EPG5: variants seen among roughly 807,000 people sequenced by gnomAD.
EPG5 encodes ectopic P granules protein 5 homolog.
Under a neutral mutation model 302.7 loss-of-function variants are expected in EPG5, and 159 were observed. The ratio of observed to expected loss-of-function variants is 0.53; its 90% CI spans 0.46 to 0.60. EPG5 has a LOEUF of 0.60. Among genes scored for constraint, EPG5 ranks in the 20% least tolerant of loss-of-function variants. The pLI is 0.00. For missense variants in EPG5, 2,896 were observed against 3,092.4 expected (o/e 0.94, Z 1.51); for synonymous variants, 1,158 against 1,136.8 (o/e 1.02, Z -0.37).
chr18:45,840,111 T>G, the EPG5 span: 1 of 1,372,000 alleles, frequency 7.3e-7, no homozygotes, highest in Non-Finnish European at 1.0e-6. Context: ...AAACAGTGGT[T>G]TCCTCGAGAC....
In EPG5 at chr18:45,920,981, C is replaced by T. The variant is rs542538025; in HGVS notation, c.3098+1360G>A. On this transcript the variant is annotated intron_variant, in intron 16 of 43. Transcript: ENST00000282041. ...ACATTAGAGATACTTAGAGAACTGG[C>T]CCCCAGCCCACTTAGGCCAGGATTC... 3.3e-5 allele frequency among the ~76,000 whole-genome samples: 5 copies of T among 152,278 alleles called. No homozygotes were observed. The South Asian group carries it at 1.0e-3, about 32-fold the overall frequency.
chr18:45,951,336 A>G, intron 3 of EPG5, 98 bp from the exon 4 acceptor site: 1 of 829,838 alleles, frequency 1.2e-6, no homozygotes, highest in Non-Finnish European at 1.6e-6. Flanking sequence ...AAACCTTTAA[A>G]ATATTTAGTG....
chr18:45,865,636 T>G lies in EPG5; in HGVS notation c.6745A>C (p.Ile2249Leu). 1 of 1,614,074 alleles carries G rather than the reference T, an allele frequency of 6.2e-7. No homozygotes were observed. Among genetic ancestry groups the G allele is most frequent in the Non-Finnish European group, 8.5e-7 (1 of 1,179,970 alleles). ...TTACCGGGCGGGTTAAAGACAATGA[T>G]ATCGTCTAAGAGCTTAGACATTTCC... Reference protein sequence around the residue: ...EQEMSKLLDDIIVFNPPDMDS... With the variant: ...EQEMSKLLDDLIVFNPPDMDS... The change falls in exon 39 of 44, where the codon ATC becomes CTC. Residue 2249 changes from isoleucine (I) to leucine (L), a missense_variant. Physicochemically the swap from Ile to Leu is conservative, Grantham distance 5. Transcript: ENST00000282041.
At chr18:45,949,115 T>C (rs1431073857) in intron 5 of EPG5, among the ~76,000 whole-genome samples, 1 of 152,180 alleles carries the variant, frequency 6.6e-6, no homozygotes, top group Admixed American at 6.5e-5. Flanking sequence ...CTTTGAGATG[T>C]GGTGGCTTCT....
Position 45,849,256 on chromosome 18 carries a change from G to A in EPG5, c.*3211C>T, listed in dbSNP as rs1328558748. 6.6e-6 allele frequency: 1 copy of A among 152,122 alleles called. No individual in the cohort carries two copies. The highest frequency in any genetic ancestry group is 2.4e-5 in the African/African-American group (1 of 41,416). The allele number at this position is 152,122 out of a possible 1,614,324, so 9.4% of individuals were successfully genotyped here. A position where few individuals can be genotyped will look rare whatever the true frequency, so the allele number is the denominator to read the frequency against. On this transcript the variant is annotated 3_prime_UTR_variant, in exon 44 of 44. Coordinates refer to ENST00000282041, the MANE Select transcript of EPG5 (RefSeq NM_020964.3). Reference sequence around the variant, plus strand: ...CCTGAACTGCTCTGGACAGAACCACGACCAATAGGCAACGTAGAAACATCT... The same window carrying A: ...CCTGAACTGCTCTGGACAGAACCACAACCAATAGGCAACGTAGAAACATCT...
At chr18:45,835,860 G>A in the EPG5 span, among the ~76,000 whole-genome samples, 6 of 152,262 alleles carry the variant, frequency 3.9e-5, no homozygotes, top group African/African-American at 1.4e-4. Flanking sequence ...GAAGGAAGAG[G>A]ACAGTGAGGA....
At chr18:45,840,222 A>AC in the EPG5 span, 1 of 1,612,196 alleles carries the variant, frequency 6.2e-7, no homozygotes, top group South Asian at 1.1e-5. Flanking sequence ...GCATCTGGAC[A>AC]CCCCGGACAC....
At chr18:45,890,039 CA>C (rs1357365373) in intron 27 of EPG5, 99 bp from the exon 28 acceptor site, 24 of 1,020,150 alleles carry the variant, frequency 2.4e-5, no homozygotes, top group Non-Finnish European at 3.2e-5. Flanking sequence ...ATAAAAATAC[CA>C]AAATTTGTAT....
At position 45,917,692 on chromosome 18, in the gene EPG5, G is replaced by A; in HGVS notation, c.3226C>T (p.Leu1076=). The A allele has an allele frequency of 1.9e-6, 3 of 1,614,092 alleles. No individual in the cohort carries two copies. The highest frequency in any genetic ancestry group is 2.5e-6 in the Non-Finnish European group (3 of 1,179,972). ...PLFYPCQYYL[L]KNEQFLSHLL... ...GAACACACTTACTGCTCATTCTTCAGAAGGTAATACTGGCAAGGGTAAAAT... is the reference window on the plus strand; with the variant it reads ...GAACACACTTACTGCTCATTCTTCAAAAGGTAATACTGGCAAGGGTAAAAT... Residue 1076 remains leucine (L), a synonymous_variant, in exon 17 of 44, where the codon CTG becomes TTG. Transcript: ENST00000282041.
At chr18:45,889,679 G>A in intron 28 of EPG5, 119 bp downstream of exon 28, 1 of 828,382 alleles carries the variant, frequency 1.2e-6, no homozygotes, top group Non-Finnish European at 1.7e-6. Flanking sequence ...GTAGTTTGCT[G>A]ATGTCTGTAC....
intron 16 of EPG5, among the ~76,000 whole-genome samples, chr18:45,920,362 T>G (rs775475289): frequency 6.6e-6 from 1 of 152,214 alleles, no homozygotes; most frequent in Non-Finnish European, 1.5e-5. Context: ...GAAGTAACTG[T>G]GGGCACTAAG....
chr18:45,965,662 T>C (rs1214686794), intron 1 of EPG5, among the ~76,000 whole-genome samples: 1 of 152,216 alleles, frequency 6.6e-6, no homozygotes, highest in African/African-American at 2.4e-5. Flanking sequence ...TGTAATACCA[T>C]CCTCCTTATT....
chr18:45,879,253 T>G, intron 32 of EPG5, 39 bp from the exon 33 acceptor site: 2 of 1,431,158 alleles, frequency 1.4e-6, no homozygotes, highest in Non-Finnish European at 1.9e-6. Flanking sequence ...TTACTAAATA[T>G]GTATTTTAGT....
chr18:45,956,988 T>G, intron 1 of EPG5, among the ~76,000 whole-genome samples: 1 of 150,458 alleles, frequency 6.6e-6, no homozygotes, highest in East Asian at 2.0e-4. Flanking sequence ...GAAGAAAAAA[T>G]TATTTAAATA....
downstream of EPG5, among the ~76,000 whole-genome samples, chr18:45,844,278 A>T (rs2048348242): frequency 6.6e-6 from 1 of 152,160 alleles, no homozygotes; most frequent in South Asian, 2.1e-4. Flanking sequence ...GATAGCAGGG[A>T]GCGGGCGATA....
intron 27 of EPG5, 23 bp downstream of exon 27, chr18:45,899,381 T>C (rs1467937975): frequency 1.2e-6 from 2 of 1,613,448 alleles, no homozygotes; most frequent in African/African-American, 1.3e-5. Context: ...TTCTCTCAGT[T>C]CTGAAGAAAT....
chr18:45,837,315 G>T, the EPG5 span, among the ~76,000 whole-genome samples: 4 of 152,246 alleles, frequency 2.6e-5, no homozygotes. Context: ...GGCCCTGGGG[G>T]TGCAGGCACC....
intron 33 of EPG5, 98 bp from the exon 34 acceptor site, chr18:45,878,546 C>T: frequency 1.4e-6 from 1 of 736,894 alleles, no homozygotes; most frequent in Non-Finnish European, 2.3e-6. Flanking sequence ...TTATCTGTAG[C>T]TTCATAAACC....
In EPG5 at chr18:45,954,652, C is replaced by A; in HGVS notation, c.750G>T (p.Leu250=). 1 of 1,614,230 alleles carries A rather than the reference C, an allele frequency of 6.2e-7. No homozygotes were observed. The highest frequency in any genetic ancestry group is 8.5e-7 in the Non-Finnish European group (1 of 1,180,050). ...GTTCTTTAGTAAATGGTACTAGTTC[C>A]AGTTGAGACGGGAGTTCTGGGTAGA... is the stretch of plus-strand genomic sequence containing the variant. ...ERLYPELPSQ[L]ELVPFTKEQL... Residue 250 remains leucine (L), a synonymous_variant, in exon 2 of 44, where the codon CTG becomes CTT. Transcript: ENST00000282041.
Sources: gnomAD v4.1 joint callset for allele counts (sites outside exome capture counted in the v4.1 genomes callset) on GRCh38, gnomAD v4.1.1 for gene constraint, MANE v1.5 for transcripts, NCBI Gene and HGNC (gene_info 2026-07-23, HGNC 2026-07-21) for gene names.